Variants in PDE1A observed in about 807,000 individuals in gnomAD.
PDE1A encodes the protein dual specificity calcium/calmodulin-dependent 3',5'-cyclic nucleotide phosphodiesterase 1A.
PDE1A carries 35 observed loss-of-function variants against 61.7 expected under a neutral mutation model. That is an observed-to-expected ratio of 0.57 (90% CI 0.43 to 0.75). The LOEUF is 0.75. PDE1A is among the 30% of genes least tolerant of loss of function. The pLI, the probability that PDE1A is intolerant of heterozygous loss-of-function variation, is 0.00. For missense variants in PDE1A, 597 were observed against 630.6 expected, an observed-to-expected ratio of 0.95 and a Z score of 0.57; for synonymous variants, 232 against 213.2, an observed-to-expected ratio of 1.09 and a Z score of -0.77.
the PDE1A span, among the ~76,000 whole-genome samples, chr2:182,542,485 A>G: frequency 0.75 from 113,782 of 152,060 alleles, 44,688 homozygotes; most frequent in East Asian, 1. Flanking sequence ...ATTTGTGTAA[A>G]TTTAATGAAT....
chr2:182,313,776 T>A (rs1696150518), intron 1 of PDE1A, among the ~76,000 whole-genome samples: 1 of 152,134 alleles, frequency 6.6e-6, no homozygotes, highest in Non-Finnish European at 1.5e-5. Context: ...AGTAGGTTTT[T>A]AAGGGGAGAT....
At chr2:182,475,137 A>G (rs1168330139) in intron 2 of PDE1A, among the ~76,000 whole-genome samples, 1 of 151,912 alleles carries the variant, frequency 6.6e-6, no homozygotes, top group African/African-American at 2.4e-5. Flanking sequence ...CACTTTCAGG[A>G]GCCAAGTAAG....
chr2:182,186,169 A>C, intron 12 of PDE1A, 90 bp from the exon 13 acceptor site: 2 of 1,371,184 alleles, frequency 1.5e-6, no homozygotes, highest in Non-Finnish European at 2.0e-6. Flanking sequence ...ACCGACTAGA[A>C]AAGCAGGATA....
At chr2:182,324,101 T>A (rs1318330485) in intron 1 of PDE1A, among the ~76,000 whole-genome samples, 2 of 152,158 alleles carry the variant, frequency 1.3e-5, no homozygotes, top group South Asian at 4.1e-4. Flanking sequence ...GCAAGATGCC[T>A]GGAAAAATTA....
At position 182,242,118 on chromosome 2, in the gene PDE1A, G is replaced by GTCAGCTAATC. The variant is rs1464068020; in HGVS notation, c.168-1836_168-1827dup. The GTCAGCTAATC allele has an allele frequency of 4.8e-6, 6 of 1,237,964 alleles. No homozygotes were observed. The Admixed American group carries it at 2.1e-4, about 42-fold the overall frequency. 76.7% of individuals were successfully genotyped at this position (1,237,964 alleles called of 1,614,324 possible). A position where few individuals can be genotyped will look rare whatever the true frequency, so the allele number is the denominator to read the frequency against. On this transcript the variant is annotated intron_variant, in intron 2 of 13. Coordinates refer to ENST00000351439, the Ensembl canonical transcript of PDE1A. ...AAGCATTCCACTGCAGCCTAGTTTTGTCAGCTAATCTCCTTAGAATGACAG... is the reference window on the plus strand; with the variant it reads ...AAGCATTCCACTGCAGCCTAGTTTTGTCAGCTAATCTCAGCTAATCTCCTTAGAATGACAG...
At chr2:182,482,736 T>G (rs1259157762) in intron 2 of PDE1A, among the ~76,000 whole-genome samples, 1 of 151,950 alleles carries the variant, frequency 6.6e-6, no homozygotes, top group Non-Finnish European at 1.5e-5. Flanking sequence ...GTGGCACTGG[T>G]CTTGAAACCA....
chr2:182,420,991 G>A (rs1420920189), intron 1 of PDE1A, among the ~76,000 whole-genome samples: 2 of 152,092 alleles, frequency 1.3e-5, no homozygotes, highest in Non-Finnish European at 2.9e-5. Flanking sequence ...GAACTGAGAA[G>A]ACTAGGTTCA....
At chr2:182,542,853 G>A in the PDE1A span, among the ~76,000 whole-genome samples, 3 of 152,174 alleles carry the variant, frequency 2.0e-5, no homozygotes, top group Non-Finnish European at 4.4e-5. Context: ...CTCTTAGGGG[G>A]AAATCACGTT....
At chr2:182,387,356 C>T (rs943251484) in intron 1 of PDE1A, among the ~76,000 whole-genome samples, 2 of 151,652 alleles carry the variant, frequency 1.3e-5, no homozygotes, top group African/African-American at 4.8e-5. Context: ...CTTCCCTCCA[C>T]TATTGTCCTA....
chr2:182,398,828 C>CT lies in PDE1A; in HGVS notation c.53+27749dup, dbSNP rs1417446072. Among the ~76,000 whole-genome samples the CT allele has an allele frequency of 3.9e-5, 6 of 152,058 alleles. No individual in the cohort carries two copies. The East Asian group carries it at 1.2e-3, about 29-fold the overall frequency. ...CTTTACTTTTAGAAATCTTAAATTT[C>CT]TTTTTTAAAATTTATTTTACTTTAA... On this transcript the variant is annotated intron_variant, in intron 1 of 13. Coordinates refer to ENST00000351439, the Ensembl canonical transcript of PDE1A.
At chr2:182,263,300 G>T (rs537909654) in intron 2 of PDE1A, among the ~76,000 whole-genome samples, 138 of 152,082 alleles carry the variant, frequency 9.1e-4, no homozygotes, top group African/African-American at 3.2e-3. Flanking sequence ...TTCTCCTGGG[G>T]ACCATTTGTG....
the PDE1A span, among the ~76,000 whole-genome samples, chr2:182,602,988 C>CATACATACAT: frequency 7.9e-6 from 1 of 125,934 alleles, no homozygotes; most frequent in African/African-American, 3.8e-5. Flanking sequence ...ACATCACACA[C>CATACATACAT]ACACACATAC....
the PDE1A span, among the ~76,000 whole-genome samples, chr2:182,583,571 C>G: frequency 6.6e-6 from 1 of 152,268 alleles, no homozygotes; most frequent in East Asian, 1.9e-4. Context: ...CAAACACAGG[C>G]AATCTATGAT....
At chr2:182,217,525 A>C (rs1282431260) in intron 7 of PDE1A, among the ~76,000 whole-genome samples, 2 of 146,374 alleles carry the variant, frequency 1.4e-5, no homozygotes, top group Non-Finnish European at 3.0e-5. Context: ...CTCATCTGAC[A>C]AAGGGCTAAT....
upstream of PDE1A, among the ~76,000 whole-genome samples, chr2:182,429,711 C>G (rs906796851): frequency 2.0e-5 from 3 of 152,042 alleles, no homozygotes; most frequent in African/African-American, 7.2e-5. Flanking sequence ...CTTTTCCAAC[C>G]AAAAGTACCC....
intron 2 of PDE1A, among the ~76,000 whole-genome samples, chr2:182,460,710 G>T (rs115484109): frequency 1.4e-3 from 216 of 152,246 alleles, no homozygotes; most frequent in African/African-American, 4.9e-3. Flanking sequence ...AGCCTCTAAT[G>T]TTCAACTGTA....
the PDE1A span, among the ~76,000 whole-genome samples, chr2:182,546,938 C>A: frequency 3.9e-5 from 6 of 152,174 alleles, no homozygotes; most frequent in African/African-American, 1.2e-4. Flanking sequence ...CCTGTTTTTA[C>A]CTCCAAGTTG....
upstream of PDE1A, among the ~76,000 whole-genome samples, chr2:182,429,655 A>C (rs1703827506): frequency 6.6e-6 from 1 of 152,116 alleles, no homozygotes; most frequent in African/African-American, 2.4e-5. Context: ...AATTCCATCT[A>C]ACCAACTCAT....
At chr2:182,505,061 C>T (rs1689316009) in intron 2 of PDE1A, among the ~76,000 whole-genome samples, 1 of 152,180 alleles carries the variant, frequency 6.6e-6, no homozygotes, top group Admixed American at 6.5e-5. Flanking sequence ...TGACTCACTG[C>T]AATTGGGAAA....
Sources: gnomAD v4.1 joint callset for allele counts (sites outside exome capture counted in the v4.1 genomes callset) on GRCh38, gnomAD v4.1.1 for gene constraint, MANE v1.5 for transcripts, NCBI Gene and HGNC (gene_info 2026-07-23, HGNC 2026-07-21) for gene names.